HIPK2: variants seen among roughly 807,000 people sequenced by gnomAD.
HIPK2 encodes homeodomain interacting protein kinase 2.
Under a neutral mutation model 113.7 loss-of-function variants are expected in HIPK2, and 27 were observed. The observed-to-expected ratio is 0.24, with a 90% CI of 0.17 to 0.33. The LOEUF (loss-of-function observed/expected upper bound fraction) is 0.33, where lower values mean the gene tolerates loss of function less well. Ranked by LOEUF, HIPK2 falls within the 10% of genes least tolerant of loss-of-function variation. HIPK2 has a pLI of 1.00. For missense variants in HIPK2, 1,257 were observed against 1,588.0 expected (o/e 0.79, Z 3.54); for synonymous variants, 631 against 642.2 (o/e 0.98, Z 0.26).
Position 139,626,606 on chromosome 7 carries a change from G to A in HIPK2, c.1614C>T (p.Ser538=), listed in dbSNP as rs761185434. 1.2e-6 allele frequency: 2 copies of A among 1,613,494 alleles called. No homozygotes were observed. Among genetic ancestry groups the A allele is most frequent in the Admixed American group, 1.7e-5 (1 of 59,920 alleles). ...TMTHLLDFPH[S]THVKSCFQNM... ...GCATCAGGCAGGACACCTACTGTGTGCTGTGGGGAAAATCGAGTAAGTGTG... is the reference window on the plus strand; with the variant it reads ...GCATCAGGCAGGACACCTACTGTGTACTGTGGGGAAAATCGAGTAAGTGTG... Residue 538 remains serine, a synonymous_variant, in exon 6 of 15, where the codon AGC becomes AGT. Coordinates refer to ENST00000406875, the MANE Select transcript of HIPK2 (RefSeq NM_022740.5).
At chr7:139,754,695 C>T (rs1293714074) in intron 1 of HIPK2, among the ~76,000 whole-genome samples, 1 of 152,178 alleles carries the variant, frequency 6.6e-6, no homozygotes, top group African/African-American at 2.4e-5. Context: ...TGAGAAAACA[C>T]CATCTCTTCT....
chr7:139,662,695 C>G (rs1317709686), intron 2 of HIPK2, among the ~76,000 whole-genome samples: 1 of 151,410 alleles, frequency 6.6e-6, no homozygotes, highest in East Asian at 2.0e-4. Context: ...TCTCGGCTCA[C>G]TGCAACCTCC....
At chr7:139,651,457 G>A (rs1425346239) in intron 2 of HIPK2, among the ~76,000 whole-genome samples, 4 of 152,172 alleles carry the variant, frequency 2.6e-5, no homozygotes, top group African/African-American at 9.7e-5. Flanking sequence ...TGGCAACTCT[G>A]GGCCACTTGT....
chr7:139,726,589 T>G (rs1006572696), intron 1 of HIPK2, among the ~76,000 whole-genome samples: 1 of 152,220 alleles, frequency 6.6e-6, no homozygotes, highest in African/African-American at 2.4e-5. Context: ...ATACTGAAAC[T>G]CTGAGGCAAG....
Position 139,573,178 on chromosome 7 carries a change from TG to T in HIPK2, c.3345del (p.Thr1116ProfsTer31), listed in dbSNP as rs1798363726. The T allele has an allele frequency of 6.2e-7, 1 of 1,601,800 alleles. No homozygotes were observed. The highest frequency in any genetic ancestry group is 8.5e-7 in the Non-Finnish European group (1 of 1,175,926). ...YTAPAALGST[G>X]TVAHLVASQG... The stretch of plus-strand genomic sequence containing the variant: ...TGCGAGGCCACCAGGTGGGCCACGG[TG>T]CCGGTGGAGCCCAGGGCCGCCGGCG... On this transcript the variant is annotated frameshift_variant, in exon 15 of 15. Transcript: ENST00000406875. LOFTEE classifies it high-confidence loss of function.
In HIPK2 at chr7:139,613,206, G is replaced by T; in HGVS notation, c.2108C>A (p.Ala703Asp). 6.2e-7 allele frequency: 1 copy of T among 1,613,728 alleles called. No individual in the cohort carries two copies. Among genetic ancestry groups the T allele is most frequent in the Non-Finnish European group, 8.5e-7 (1 of 1,179,800 alleles). The change falls in exon 9 of 15, where the codon GCC becomes GAC. Residue 703 changes from alanine to aspartate, a missense_variant. By Grantham distance (126) the Ala-to-Asp change is moderately radical. This residue lies in a region of HIPK2 where 862 missense variants were observed against 1,004.3 expected (regional missense o/e 0.86). Coordinates refer to ENST00000406875, the MANE Select transcript of HIPK2 (RefSeq NM_022740.5). This position sits in a 1 kb window ranked among gnomAD's most constrained non-coding sequence, Gnocchi z 4.2. ...TAATAAAGGAGAAAGAATTACCTGG[G>T]CAAGCAGACCTGGTTGGATCTGAAG... ...QPLQIQPGLL[A>D]QQAWPSGTQQ... is the part of the protein sequence containing the mutation.
In HIPK2 at chr7:139,584,072, T is replaced by C. The variant is rs1335472498; in HGVS notation, c.2718-8A>G. On this transcript the variant is annotated splice_polypyrimidine_tract_variant and splice_region_variant and intron_variant, in intron 12 of 14. Transcript: ENST00000406875. Reference sequence around the variant, plus strand: ...CTTTGCTTGGAGACAGTGCTGAAAATGCAAAGGGAGAAGTCAGAGGTGGGA... The same window carrying C: ...CTTTGCTTGGAGACAGTGCTGAAAACGCAAAGGGAGAAGTCAGAGGTGGGA... The C allele has an allele frequency of 6.4e-7, 1 of 1,569,016 alleles. No homozygotes were observed. The highest frequency in any genetic ancestry group is 8.7e-7 in the Non-Finnish European group (1 of 1,155,060).
intron 1 of HIPK2, among the ~76,000 whole-genome samples, chr7:139,722,367 A>G (rs1009147176): frequency 3.9e-5 from 6 of 152,178 alleles, no homozygotes; most frequent in South Asian, 4.1e-4. Flanking sequence ...GGTTACCCAG[A>G]CTTAGGGTGC....
intron 2 of HIPK2, among the ~76,000 whole-genome samples, chr7:139,651,278 G>T (rs2116470269): frequency 6.6e-6 from 1 of 152,300 alleles, no homozygotes; most frequent in East Asian, 1.9e-4. Context: ...AGGCAAGACT[G>T]AACGGATGGC....
At chr7:139,673,702 C>G (rs1163044511) in intron 2 of HIPK2, among the ~76,000 whole-genome samples, 6 of 151,904 alleles carry the variant, frequency 3.9e-5, no homozygotes, top group African/African-American at 1.2e-4. Flanking sequence ...AGAAGTCTGA[C>G]TTTTTAAAAT....
chr7:139,615,858 T>C (rs1394154821), intron 7 of HIPK2, among the ~76,000 whole-genome samples: 2 of 152,262 alleles, frequency 1.3e-5, no homozygotes, highest in Non-Finnish European at 2.9e-5. Flanking sequence ...CACAGATGTC[T>C]GATTTTAAGC....
At chr7:139,732,276 G>A (rs1795812313) in intron 1 of HIPK2, among the ~76,000 whole-genome samples, 1 of 152,198 alleles carries the variant, frequency 6.6e-6, no homozygotes, top group Non-Finnish European at 1.5e-5. Flanking sequence ...TCTAAGCTGT[G>A]CAAATTAAAG....
In HIPK2 at chr7:139,614,365, C is replaced by T. The variant is rs1178383926; in HGVS notation, c.1911G>A (p.Leu637=). 4 of 1,585,162 alleles carry T rather than the reference C, an allele frequency of 2.5e-6. No homozygotes were observed. The highest frequency in any genetic ancestry group is 3.4e-6 in the Non-Finnish European group (4 of 1,161,036). ...MAAVAQRSMP[L]QTGTAQICAR... ...CACAAATCTGGGCTGTTCCTGTCTG[C>T]AGGGGCATGCTCCGCTGGGCCACTG... Residue 637 remains leucine, a synonymous_variant, in exon 8 of 15, where the codon CTG becomes CTA. Coordinates refer to ENST00000406875, the MANE Select transcript of HIPK2 (RefSeq NM_022740.5).
intron 4 of HIPK2, among the ~76,000 whole-genome samples, chr7:139,629,395 C>G (rs1800537649): frequency 6.6e-6 from 1 of 152,244 alleles, no homozygotes; most frequent in Non-Finnish European, 1.5e-5. Flanking sequence ...CTTTCCCATG[C>G]ATTTTCCAAT....
At chr7:139,753,678 G>C (rs972256048) in intron 1 of HIPK2, among the ~76,000 whole-genome samples, 1 of 152,222 alleles carries the variant, frequency 6.6e-6, no homozygotes, top group African/African-American at 2.4e-5. Flanking sequence ...TATGCTTGCA[G>C]AGTGGCTCTG....
chr7:139,754,593 A>G (rs1796335236), intron 1 of HIPK2, among the ~76,000 whole-genome samples: 1 of 152,210 alleles, frequency 6.6e-6, no homozygotes, highest in African/African-American at 2.4e-5. Context: ...TATGTTAACT[A>G]AACCTCTTAC....
chr7:139,704,466 A>G (rs1420317505), intron 2 of HIPK2, among the ~76,000 whole-genome samples: 6 of 145,504 alleles, frequency 4.1e-5, no homozygotes, highest in African/African-American at 1.6e-4. Context: ...TACCACACAC[A>G]CACCCAACAC....
At chr7:139,741,938 G>C (rs1796108756) in intron 1 of HIPK2, among the ~76,000 whole-genome samples, 1 of 152,156 alleles carries the variant, frequency 6.6e-6, no homozygotes, top group Non-Finnish European at 1.5e-5. Context: ...CGGCAACCCT[G>C]GGAGGTCATT....
intron 1 of HIPK2, among the ~76,000 whole-genome samples, chr7:139,746,670 CT>C (rs1037752800): frequency 3.3e-5 from 5 of 152,274 alleles, no homozygotes; most frequent in African/African-American, 1.2e-4. Context: ...TTTCTCGCAC[CT>C]CTTTTATCTT....
Sources: gnomAD v4.1 joint callset for allele counts (sites outside exome capture counted in the v4.1 genomes callset) on GRCh38, gnomAD v4.1.1 for gene constraint, gnomAD v4.1.1 regional missense constraint, Gnocchi (gnomAD v3.1) non-coding constraint, MANE v1.5 for transcripts, NCBI Gene and HGNC (gene_info 2026-07-23, HGNC 2026-07-21) for gene names.